LARP4B: variants seen among roughly 807,000 people sequenced by gnomAD.
LARP4B encodes the protein La ribonucleoprotein 4B.
A neutral mutation model predicts 89.8 loss-of-function variants in LARP4B; 12 were observed. The observed-to-expected ratio is 0.13, with a 90% CI of 0.09 to 0.22. The LOEUF (loss-of-function observed/expected upper bound fraction) is 0.22, where lower values mean the gene tolerates loss of function less well. Among genes scored for constraint, LARP4B ranks in the 10% least tolerant of loss-of-function variants. The pLI is 1.00. For synonymous variants in LARP4B, 367 were observed against 363.3 expected, an observed-to-expected ratio of 1.01 and a Z score of -0.12; for missense variants, 757 against 947.7, an observed-to-expected ratio of 0.80 and a Z score of 2.64.
chr10:975,822 C>T, the LARP4B span, among the ~76,000 whole-genome samples: 1 of 79,228 alleles, frequency 1.3e-5, no homozygotes, highest in African/African-American at 5.0e-5. Context: ...ATGTAAGCCT[C>T]TCGCGCAACG....
At chr10:964,613 C>T in the LARP4B span, among the ~76,000 whole-genome samples, 36 of 152,274 alleles carry the variant, frequency 2.4e-4, no homozygotes, top group African/African-American at 8.4e-4. Flanking sequence ...ACGTCAGAGG[C>T]CACGTCGATG....
chr10:858,065 T>C (rs772590674), intron 5 of LARP4B, among the ~76,000 whole-genome samples: 4 of 152,112 alleles, frequency 2.6e-5, no homozygotes, highest in African/African-American at 9.7e-5. Context: ...AAATCTGACC[T>C]GAAACAAAAT....
In LARP4B at chr10:813,154, A is replaced by G. The variant is rs146267831; in HGVS notation, c.1989T>C (p.Ser663=). Residue 663 remains serine (S), a synonymous_variant, in exon 18 of 18, where the codon TCT becomes TCC. Coordinates refer to ENST00000316157, the MANE Select transcript of LARP4B (RefSeq NM_015155.3). ...GTTCTTTTTGGGGTTGCAATGGGGA[A>G]GAAGGAGGCTCTTTACTCGTTCTCT... ...ICQRTSKEPP[S]SPLQPQKEQK... 3.7e-6 allele frequency: 6 copies of G among 1,613,828 alleles called. No individual in the cohort carries two copies. The highest frequency in any genetic ancestry group is 5.1e-6 in the Non-Finnish European group (6 of 1,179,986).
chr10:812,121 C>T lies in LARP4B; in HGVS notation c.*805G>A, dbSNP rs1831762818. On this transcript the variant is annotated 3_prime_UTR_variant, in exon 18 of 18. Coordinates refer to ENST00000316157, the MANE Select transcript of LARP4B (RefSeq NM_015155.3). ...CACAGAGCAGGGCCGGGGCCATCAG[C>T]TCACAGGGGTCAAAACAACATCATG... The T allele has an allele frequency of 6.5e-6, 1 of 152,810 alleles. No homozygotes were observed. The highest frequency in any genetic ancestry group is 1.5e-5 in the Non-Finnish European group (1 of 68,066). The allele number at this position is 152,810 out of a possible 1,614,324, so 9.5% of individuals were successfully genotyped here. A position where few individuals can be genotyped will look rare whatever the true frequency, so the allele number is the denominator to read the frequency against.
At chr10:972,989 T>C in the LARP4B span, 5 of 405,620 alleles carry the variant, frequency 1.2e-5, no homozygotes, top group Admixed American at 1.4e-4. Context: ...GTTACCACTG[T>C]GATTCTGTGG....
intron 5 of LARP4B, among the ~76,000 whole-genome samples, chr10:857,849 T>C (rs1834388739): frequency 6.6e-6 from 1 of 152,150 alleles, no homozygotes; most frequent in South Asian, 2.1e-4. Flanking sequence ...ATTCTAAATG[T>C]CAATGGCCAA....
intron 8 of LARP4B, among the ~76,000 whole-genome samples, chr10:831,761 G>C (rs1832916886): frequency 6.6e-6 from 1 of 152,166 alleles, no homozygotes; most frequent in Non-Finnish European, 1.5e-5. Flanking sequence ...TTGGTTCCAG[G>C]TAACTTCACT....
the LARP4B span, among the ~76,000 whole-genome samples, chr10:948,688 C>G: frequency 0.014 from 2,149 of 152,356 alleles, 53 homozygotes; most frequent in African/African-American, 0.047. Context: ...CTTCTCAGCC[C>G]TGGTAAGGCC....
chr10:827,400 T>C (rs1018441783), intron 11 of LARP4B, among the ~76,000 whole-genome samples: 1 of 152,218 alleles, frequency 6.6e-6, no homozygotes, highest in African/African-American at 2.4e-5. Flanking sequence ...GACAGAGCCC[T>C]GATATTCCAG....
chr10:847,468 A>G (rs1833827648), intron 5 of LARP4B, among the ~76,000 whole-genome samples: 1 of 151,984 alleles, frequency 6.6e-6, no homozygotes. Context: ...AGTTTTCCAG[A>G]TGTGGGACAT....
chr10:824,948 T>G (rs979664454), intron 13 of LARP4B, 117 bp downstream of exon 13: 142 of 1,062,896 alleles, frequency 1.3e-4, no homozygotes, highest in Non-Finnish European at 1.7e-4. Flanking sequence ...CTTATGTTTA[T>G]AGCCTTCAGT....
chr10:882,631 TAC>T (rs1835717235), intron 3 of LARP4B, among the ~76,000 whole-genome samples: 1 of 152,180 alleles, frequency 6.6e-6, no homozygotes, highest in South Asian at 2.1e-4. Context: ...ACCATATTCT[TAC>T]AGTCTAATAG....
rs72776492 is a variant in LARP4B, at chr10:816,389, C to T, written c.1696-1319G>A. ...CCCATCATTTCTGGAGCCTCCACCC[C>T]ACTTTGAAACCCAAGGGCCACGCTG... is the stretch of plus-strand genomic sequence containing the variant. On this transcript the variant is annotated intron_variant, in intron 15 of 17. Coordinates refer to ENST00000316157, the MANE Select transcript of LARP4B (RefSeq NM_015155.3). 2.1e-3 allele frequency among the ~76,000 whole-genome samples: 327 copies of T among 152,356 alleles called. 1 individual carries two copies. Among genetic ancestry groups the T allele is most frequent in the Admixed American group, 4.2e-3 (65 of 15,306 alleles).
the LARP4B span, among the ~76,000 whole-genome samples, chr10:938,343 C>T: frequency 0.04 from 6,006 of 151,502 alleles, 155 homozygotes; most frequent in Admixed American, 0.075. Flanking sequence ...CTCCGCCTCC[C>T]GGGTTCACGC....
the LARP4B span, among the ~76,000 whole-genome samples, chr10:941,476 G>C: frequency 6.6e-6 from 1 of 152,062 alleles, no homozygotes; most frequent in Non-Finnish European, 1.5e-5. Flanking sequence ...ACCATGCCTG[G>C]CTAATTTTTG....
In LARP4B at chr10:930,333, C is replaced by A. The variant is rs148574128; in HGVS notation, c.-40+1095G>T. ...GCATACTGTTTATACTTACAAACTC[C>A]ACTGCCCTGTCAAGGAAAACCTTCC... is the stretch of plus-strand genomic sequence containing the variant. On this transcript the variant is annotated intron_variant, in intron 1 of 17. Transcript: ENST00000316157. Among the ~76,000 whole-genome samples the A allele has an allele frequency of 9.9e-3, 1,500 of 152,280 alleles. 20 individuals are homozygous for A. Among genetic ancestry groups the A allele is most frequent in the African/African-American group, 0.032 (1,349 of 41,544 alleles).
In LARP4B at chr10:820,787, T is replaced by G; in HGVS notation, c.1530+13A>C. 6.2e-7 allele frequency: 1 copy of G among 1,608,360 alleles called. No homozygotes were observed. Among genetic ancestry groups the G allele is most frequent in the African/African-American group, 1.3e-5 (1 of 74,940 alleles). On this transcript the variant is annotated intron_variant, in intron 14 of 17. Transcript: ENST00000316157. The stretch of plus-strand genomic sequence containing the variant: ...AAATGTCTTGTGAAGAGGTATATGC[T>G]TTATGTACTCACTGTAAACTTCTCC...
intron 8 of LARP4B, among the ~76,000 whole-genome samples, chr10:835,765 T>C (rs1833178955): frequency 1.3e-5 from 2 of 152,162 alleles, no homozygotes; most frequent in Non-Finnish European, 2.9e-5. Flanking sequence ...AAACCCCGTC[T>C]CTACTAAACA....
At chr10:971,003 A>C in the LARP4B span, 2 of 152,236 alleles carry the variant, frequency 1.3e-5, no homozygotes, top group Admixed American at 1.3e-4. Context: ...AATCCAATTA[A>C]AGCAGCATTA....
Sources: allele counts gnomAD v4.1 joint callset (sites outside exome capture counted in the v4.1 genomes callset), GRCh38; gene constraint gnomAD v4.1.1; transcripts MANE v1.5; gene names NCBI Gene and HGNC (gene_info 2026-07-23, HGNC 2026-07-21).